PLEKHA5: variants seen among roughly 807,000 people sequenced by gnomAD.
PLEKHA5 encodes pleckstrin homology domain containing A5.
A neutral mutation model predicts 181.9 loss-of-function variants in PLEKHA5; 55 were observed. The ratio of observed to expected loss-of-function variants is 0.30; its 90% confidence interval spans 0.24 to 0.38. The LOEUF (loss-of-function observed/expected upper bound fraction) is 0.38, where lower values mean the gene tolerates loss of function less well. Ranked by LOEUF, PLEKHA5 falls within the 10% of genes least tolerant of loss-of-function variation. PLEKHA5 has a pLI of 1.00. For synonymous variants in PLEKHA5, 535 were observed against 529.4 expected, an observed-to-expected ratio of 1.01 and a Z score of -0.15; for missense variants, 1,432 against 1,549.5, an observed-to-expected ratio of 0.92 and a Z score of 1.27.
chr12:19,252,462 G>A (rs947957123), intron 3 of PLEKHA5, among the ~76,000 whole-genome samples: 12 of 152,008 alleles, frequency 7.9e-5, no homozygotes, highest in African/African-American at 2.7e-4. Flanking sequence ...AATGTATATT[G>A]CATATTATTT....
intron 15 of PLEKHA5, among the ~76,000 whole-genome samples, chr12:19,309,950 G>A (rs370508818): frequency 2.6e-5 from 4 of 152,034 alleles, no homozygotes; most frequent in South Asian, 2.1e-4. Context: ...GTACAATTTC[G>A]AAATTATTTT....
chr12:19,135,150 G>A (rs1259461005), intron 3 of PLEKHA5, among the ~76,000 whole-genome samples: 6 of 152,144 alleles, frequency 3.9e-5, no homozygotes, highest in Admixed American at 3.9e-4. Context: ...ATTGTGAAGT[G>A]AAATATATAT....
intron 3 of PLEKHA5, among the ~76,000 whole-genome samples, chr12:19,235,656 A>G (rs2061311216): frequency 6.6e-6 from 1 of 152,174 alleles, no homozygotes; most frequent in Non-Finnish European, 1.5e-5. Flanking sequence ...ACTGTTGAGA[A>G]AAGGAGCTGG....
chr12:19,157,155 C>G (rs1460270635), intron 3 of PLEKHA5, among the ~76,000 whole-genome samples: 1 of 151,004 alleles, frequency 6.6e-6, no homozygotes, highest in Non-Finnish European at 1.5e-5. Context: ...ACAGCTTACC[C>G]TCGTATATGT....
intron 3 of PLEKHA5, among the ~76,000 whole-genome samples, chr12:19,227,954 T>C (rs549378761): frequency 6.6e-6 from 1 of 152,188 alleles, no homozygotes; most frequent in Non-Finnish European, 1.5e-5. Flanking sequence ...TCATTTTCTT[T>C]CATATTCATT....
chr12:19,334,827 A>AAAAAAAAAAAT (rs2093208038), intron 20 of PLEKHA5, among the ~76,000 whole-genome samples: 1 of 16,578 alleles, frequency 6.0e-5, no homozygotes, highest in Non-Finnish European at 1.8e-4. Context: ...ACAAAAAAAA[A>AAAAAAAAAAAT]AAATATATAT....
At chr12:19,207,916 T>C (rs1490420306) in intron 3 of PLEKHA5, among the ~76,000 whole-genome samples, 1 of 152,184 alleles carries the variant, frequency 6.6e-6, no homozygotes, top group African/African-American at 2.4e-5. Context: ...GTAATAGTTA[T>C]ATAAGTTAAA....
chr12:19,350,341 T>C (rs1168957374), intron 25 of PLEKHA5, among the ~76,000 whole-genome samples: 5 of 152,188 alleles, frequency 3.3e-5, no homozygotes, highest in African/African-American at 1.2e-4. Flanking sequence ...CCAGAAAGAA[T>C]GTGTATGTAT....
At chr12:19,253,546 G>A (rs931075514) in intron 3 of PLEKHA5, among the ~76,000 whole-genome samples, 13 of 152,068 alleles carry the variant, frequency 8.5e-5, no homozygotes, top group Admixed American at 2.0e-4. Context: ...GCCAGGTGCC[G>A]TGTCTCATGC....
chr12:19,306,700 G>A, intron 15 of PLEKHA5: 1 of 1,469,138 alleles, frequency 6.8e-7, no homozygotes, highest in Non-Finnish European at 9.5e-7. Flanking sequence ...GACTCTCTTC[G>A]GTTTCCTAGG....
chr12:19,238,536 TTAAC>T (rs1215045431), intron 3 of PLEKHA5, among the ~76,000 whole-genome samples: 8 of 152,134 alleles, frequency 5.3e-5, no homozygotes, highest in African/African-American at 1.9e-4. Flanking sequence ...TCTACCCAAT[TTAAC>T]TATACAGAGG....
chr12:19,299,327 T>C (rs554745976), intron 15 of PLEKHA5, among the ~76,000 whole-genome samples: 366 of 152,320 alleles, frequency 2.4e-3, no homozygotes, highest in African/African-American at 8.4e-3. Context: ...GCTGATTACA[T>C]GTTGGCATGG....
intron 3 of PLEKHA5, among the ~76,000 whole-genome samples, chr12:19,145,867 G>T (rs1002460720): frequency 6.6e-6 from 1 of 152,062 alleles, no homozygotes. Context: ...GCTAAACCCC[G>T]TAAGTAGAGT....
At chr12:19,296,495 C>T (rs190321634) in intron 15 of PLEKHA5, among the ~76,000 whole-genome samples, 2 of 151,720 alleles carry the variant, frequency 1.3e-5, no homozygotes, top group East Asian at 3.9e-4. Context: ...TTGCAGTGAG[C>T]CAAGATCATG....
intron 15 of PLEKHA5, among the ~76,000 whole-genome samples, chr12:19,312,016 C>T (rs893916502): frequency 3.3e-5 from 5 of 152,152 alleles, no homozygotes; most frequent in South Asian, 2.1e-4. Flanking sequence ...TGTTAACAGT[C>T]GTGAAAACCA....
At chr12:19,229,743 C>G (rs1244257573) in intron 3 of PLEKHA5, among the ~76,000 whole-genome samples, 1 of 152,230 alleles carries the variant, frequency 6.6e-6, no homozygotes, top group African/African-American at 2.4e-5. Flanking sequence ...ATTCCCTTAT[C>G]TGGCCCCACC....
chr12:19,219,035 G>A lies in PLEKHA5; in HGVS notation c.228-34905G>A, dbSNP rs191664607. 1.3e-4 allele frequency among the ~76,000 whole-genome samples: 19 copies of A among 151,156 alleles called. No individual in the cohort carries two copies. In the East Asian group the frequency reaches 3.7e-3, roughly 29 times the overall value. On this transcript the variant is annotated intron_variant, in intron 3 of 31. Transcript: ENST00000429027. The stretch of plus-strand genomic sequence containing the variant: ...ATTATTTATTGAAAAAGAAACTACA[G>A]TTGACCCTTGAACAACACAGATTTG...
At chr12:19,254,511 A>G (rs1297380501) in intron 4 of PLEKHA5, among the ~76,000 whole-genome samples, 2 of 152,214 alleles carry the variant, frequency 1.3e-5, no homozygotes, top group African/African-American at 2.4e-5. Context: ...AATATCTGCA[A>G]TAATGCCTAT....
At chr12:19,240,178 T>C (rs1286552003) in intron 3 of PLEKHA5, among the ~76,000 whole-genome samples, 1 of 152,228 alleles carries the variant, frequency 6.6e-6, no homozygotes, top group Non-Finnish European at 1.5e-5. Flanking sequence ...CCTTTTGAAT[T>C]GAACTGTTAC....
Sources: allele counts gnomAD v4.1 joint callset (sites outside exome capture counted in the v4.1 genomes callset), GRCh38; gene constraint gnomAD v4.1.1; transcripts MANE v1.5; gene names NCBI Gene and HGNC (gene_info 2026-07-23, HGNC 2026-07-21).